Variants in DIS3L2 observed in about 807,000 individuals in gnomAD.
DIS3L2 encodes DIS3-like exonuclease 2.
In DIS3L2, 34 loss-of-function variants were observed where a neutral mutation model predicts 97.5. That is an observed-to-expected ratio of 0.35 (90% confidence interval 0.27 to 0.46). The LOEUF (loss-of-function observed/expected upper bound fraction) is 0.46, where lower values mean the gene tolerates loss of function less well. DIS3L2 is among the 20% of genes least tolerant of loss of function. DIS3L2 has a pLI of 1.00. For missense variants in DIS3L2, 1,038 were observed against 1,146.0 expected (o/e 0.91, Z 1.36); for synonymous variants, 435 against 445.2 (o/e 0.98, Z 0.29).
chr2:232,270,874 C>CTCTCTT (rs1693978708), intron 13 of DIS3L2, among the ~76,000 whole-genome samples: 1 of 108,218 alleles, frequency 9.2e-6, no homozygotes, highest in Non-Finnish European at 1.9e-5. Context: ...CTCTCTCTCT[C>CTCTCTT]TCTCTCTCTC....
At chr2:232,055,278 G>T (rs1489877503) in intron 5 of DIS3L2, among the ~76,000 whole-genome samples, 2 of 152,190 alleles carry the variant, frequency 1.3e-5, no homozygotes, top group Non-Finnish European at 2.9e-5. Flanking sequence ...GATTGGGAAA[G>T]TAAGACAGTA....
chr2:231,986,519 T>C (rs960297617), intron 1 of DIS3L2, among the ~76,000 whole-genome samples: 1 of 152,212 alleles, frequency 6.6e-6, no homozygotes, highest in Admixed American at 6.5e-5. Flanking sequence ...TGTTTCATTG[T>C]TATGTTTCCT....
At chr2:232,038,629 C>T (rs550985571) in intron 5 of DIS3L2, among the ~76,000 whole-genome samples, 1 of 152,286 alleles carries the variant, frequency 6.6e-6, no homozygotes, top group East Asian at 1.9e-4. Flanking sequence ...TTCTCACCCC[C>T]TTTATTGATA....
chr2:232,254,294 A>C (rs1693496587), intron 12 of DIS3L2, among the ~76,000 whole-genome samples: 1 of 152,068 alleles, frequency 6.6e-6, no homozygotes, highest in Non-Finnish European at 1.5e-5. Context: ...AAGAGTTAAG[A>C]GGCAAACGCT....
chr2:232,175,014 A>G (rs114153858), intron 9 of DIS3L2, among the ~76,000 whole-genome samples: 1,889 of 151,992 alleles, frequency 0.012, 17 homozygotes, highest in Non-Finnish European at 0.018. Flanking sequence ...TTTTTTGTGG[A>G]GATAGGGTTT....
rs183714146 is a variant in DIS3L2 at position 232,329,847 on chromosome 2, G to A, written c.1774G>A (p.Ala592Thr). Residue 592 changes from alanine (A) to threonine (T), a missense_variant, in exon 15 of 21, where the codon GCA (alanine) becomes ACA (threonine). Around this residue, in one of 3 missense-constraint regions of DIS3L2, gnomAD observed 813 missense variants for 880.1 expected, o/e 0.92. Coordinates refer to ENST00000325385, the MANE Select transcript of DIS3L2 (RefSeq NM_152383.5). ...VEEFMLLANM[A>T]VAHKIHRAFP... The stretch of plus-strand genomic sequence containing the variant: ...GGAGTTCATGCTCTTGGCCAACATG[G>A]CAGTGGCCCACAAGATCCACCGCGC... 1 of 1,386,276 alleles carries A rather than the reference G, an allele frequency of 7.2e-7. No homozygotes were observed. The highest frequency in any genetic ancestry group is 9.6e-7 in the Non-Finnish European group (1 of 1,036,780). 85.9% of individuals were successfully genotyped at this position (1,386,276 alleles called of 1,614,324 possible). A position where few individuals can be genotyped will look rare whatever the true frequency, so the allele number is the denominator to read the frequency against.
intron 9 of DIS3L2, among the ~76,000 whole-genome samples, chr2:232,182,262 A>T (rs148156107): frequency 6.6e-6 from 1 of 152,108 alleles, no homozygotes; most frequent in African/African-American, 2.4e-5. Context: ...TATGCTATTA[A>T]TTTCTAATTC....
chr2:232,236,346 A>G lies in DIS3L2; in HGVS notation c.1205-2187A>G, dbSNP rs1193739158. Reference sequence around the variant, plus strand: ...CAAAAGAGCAGATGGTACTGTGTTAATAAGTTCTTCTAAGCCAACTTGGGT... The same window carrying G: ...CAAAAGAGCAGATGGTACTGTGTTAGTAAGTTCTTCTAAGCCAACTTGGGT... On this transcript the variant is annotated intron_variant, in intron 10 of 20. Coordinates refer to ENST00000325385, the MANE Select transcript of DIS3L2 (RefSeq NM_152383.5). Among the ~76,000 whole-genome samples, 4 of 152,174 alleles carry G rather than the reference A, an allele frequency of 2.6e-5. 1 individual carries two copies. Among genetic ancestry groups the G allele is most frequent in the Admixed American group, 2.0e-4 (3 of 15,272 alleles).
intron 5 of DIS3L2, among the ~76,000 whole-genome samples, chr2:232,068,614 A>G (rs564876636): frequency 6.6e-6 from 1 of 151,724 alleles, no homozygotes; most frequent in East Asian, 1.9e-4. Context: ...ATATATTTAT[A>G]TGAGGGTGGT....
At position 232,315,555 on chromosome 2, in the gene DIS3L2, CT is replaced by C. The variant is rs1266390108; in HGVS notation, c.1740-14255del. ...CACTGCCACTCCCAGCTCTCTGAGG[CT>C]TTGTGGCTTTTTCTTGGTGGTTGGG... is the stretch of plus-strand genomic sequence containing the variant. On this transcript the variant is annotated intron_variant, in intron 14 of 20. Transcript: ENST00000325385. 4.6e-5 allele frequency among the ~76,000 whole-genome samples: 7 copies of C among 152,168 alleles called. No homozygotes were observed. In the East Asian group the frequency reaches 1.4e-3, roughly 29 times the overall value.
At chr2:232,006,112 G>A (rs1425948268) in intron 1 of DIS3L2, among the ~76,000 whole-genome samples, 2 of 152,166 alleles carry the variant, frequency 1.3e-5, no homozygotes, top group Non-Finnish European at 1.5e-5. Context: ...GCTTGAACCC[G>A]GGAGGCAGAG....
intron 6 of DIS3L2, among the ~76,000 whole-genome samples, chr2:232,129,110 C>T (rs1036709064): frequency 6.6e-6 from 1 of 152,162 alleles, no homozygotes; most frequent in African/African-American, 2.4e-5. Flanking sequence ...AGGTAACAGT[C>T]ATTTGAAGAT....
chr2:232,231,694 A>G (rs1300264326), intron 10 of DIS3L2, among the ~76,000 whole-genome samples: 5 of 152,242 alleles, frequency 3.3e-5, no homozygotes, highest in Admixed American at 3.3e-4. Flanking sequence ...CAGCACCTGC[A>G]TGGGCAGTTA....
intron 14 of DIS3L2, among the ~76,000 whole-genome samples, chr2:232,319,053 C>A (rs942762447): frequency 2.0e-5 from 3 of 152,208 alleles, no homozygotes; most frequent in Non-Finnish European, 4.4e-5. Context: ...GGCCTCCATA[C>A]CCAGCAGGGA....
intron 5 of DIS3L2, among the ~76,000 whole-genome samples, chr2:232,087,019 T>A (rs976754990): frequency 6.6e-6 from 1 of 152,088 alleles, no homozygotes; most frequent in East Asian, 1.9e-4. Flanking sequence ...TTTTATAAAC[T>A]CTTGTTCACA....
intron 1 of DIS3L2, among the ~76,000 whole-genome samples, chr2:231,980,195 A>G (rs950952722): frequency 1.3e-5 from 2 of 152,206 alleles, no homozygotes; most frequent in Admixed American, 1.3e-4. Flanking sequence ...CTTTTTATCA[A>G]TGTGAAATTC....
At chr2:232,203,402 A>G (rs1691948607) in intron 9 of DIS3L2, among the ~76,000 whole-genome samples, 1 of 152,212 alleles carries the variant, frequency 6.6e-6, no homozygotes, top group African/African-American at 2.4e-5. Context: ...GAAGACAGAA[A>G]AGGACACCCT....
chr2:232,221,024 T>A (rs1012130106), intron 10 of DIS3L2, among the ~76,000 whole-genome samples: 3 of 139,536 alleles, frequency 2.1e-5, no homozygotes, highest in African/African-American at 8.2e-5. Context: ...ATTGCTTGAA[T>A]CCAGGAGGCG....
At chr2:232,085,231 A>T (rs1035950514) in intron 5 of DIS3L2, among the ~76,000 whole-genome samples, 1 of 152,148 alleles carries the variant, frequency 6.6e-6, no homozygotes, top group African/African-American at 2.4e-5. Flanking sequence ...TCTCTCATTT[A>T]CTTAACGAGC....
Sources: gnomAD v4.1 joint callset for allele counts (sites outside exome capture counted in the v4.1 genomes callset) on GRCh38, gnomAD v4.1.1 for gene constraint, gnomAD v4.1.1 regional missense constraint, MANE v1.5 for transcripts, NCBI Gene and HGNC (gene_info 2026-07-23, HGNC 2026-07-21) for gene names.